Variants in STK32C observed in about 807,000 individuals in gnomAD.
STK32C encodes serine/threonine-protein kinase 32C.
A neutral mutation model predicts 56.5 loss-of-function variants in STK32C; 31 were observed. The observed-to-expected ratio is 0.55, with a 90% CI of 0.41 to 0.74. STK32C has a LOEUF of 0.74. STK32C is among the 30% of genes least tolerant of loss of function. The probability of loss-of-function intolerance (pLI) is 0.00; values close to 1 mark genes in which losing one functional copy is unlikely to be tolerated. For synonymous variants in STK32C, 309 were observed against 289.4 expected, an observed-to-expected ratio of 1.07 and a Z score of -0.69; for missense variants, 544 against 676.9, an observed-to-expected ratio of 0.80 and a Z score of 2.18.
intron 1 of STK32C, among the ~76,000 whole-genome samples, chr10:132,302,286 C>T (rs1373724537): frequency 1.3e-5 from 2 of 152,222 alleles, no homozygotes; most frequent in African/African-American, 2.4e-5. Flanking sequence ...AAAGAAAAGC[C>T]GGCTTATTTT....
intron 1 of STK32C, among the ~76,000 whole-genome samples, chr10:132,317,967 CAAAAAAA>C (rs1223040750): frequency 1.8e-5 from 1 of 55,574 alleles, no homozygotes; most frequent in African/African-American, 6.1e-5. Context: ...GACTCTGTCT[CAAAAAAA>C]AAAAAAAAAA....
chr10:132,270,215 G>A (rs1238152759), intron 1 of STK32C, among the ~76,000 whole-genome samples: 1 of 152,248 alleles, frequency 6.6e-6, no homozygotes, highest in Non-Finnish European at 1.5e-5. Flanking sequence ...CCGGACCTGT[G>A]ATTCACCTTA....
intron 8 of STK32C, among the ~76,000 whole-genome samples, chr10:132,224,099 T>C (rs2062785123): frequency 6.6e-6 from 1 of 150,776 alleles, no homozygotes; most frequent in South Asian, 2.1e-4. Flanking sequence ...AGGGCTCCTC[T>C]GTGGTGACCG....
At chr10:132,217,279 G>A (rs1483428413) in intron 10 of STK32C, among the ~76,000 whole-genome samples, 1 of 152,236 alleles carries the variant, frequency 6.6e-6, no homozygotes, top group African/African-American at 2.4e-5. Context: ...AGGCCTGCTG[G>A]ATTTCAGACT....
chr10:132,273,179 T>C (rs1486265434), intron 1 of STK32C, among the ~76,000 whole-genome samples: 1 of 152,206 alleles, frequency 6.6e-6, no homozygotes, highest in Non-Finnish European at 1.5e-5. Flanking sequence ...CCACTCAGCC[T>C]TTCCACTGCT....
chr10:132,325,867 G>A lies in STK32C; in HGVS notation c.302-1494C>T, dbSNP rs146445923. Among the ~76,000 whole-genome samples, 92 of 151,952 alleles carry A rather than the reference G, an allele frequency of 6.1e-4. No homozygotes were observed. The East Asian group carries it at 0.012, about 20-fold the overall frequency. ...CTCCAGAGTAGCTGGGACTATCGGAGTCTGCAACCACGCCCAGCTAATTTT... is the reference window on the plus strand; with the variant it reads ...CTCCAGAGTAGCTGGGACTATCGGAATCTGCAACCACGCCCAGCTAATTTT... On this transcript the variant is annotated intron_variant, in intron 1 of 1. Transcript: ENST00000368619.
intron 1 of STK32C, among the ~76,000 whole-genome samples, chr10:132,263,904 A>C (rs1047379072): frequency 3.3e-5 from 5 of 152,080 alleles, no homozygotes; most frequent in Admixed American, 6.6e-5. Flanking sequence ...ATAAAAAAAG[A>C]AAAAGCATGG....
intron 1 of STK32C, among the ~76,000 whole-genome samples, chr10:132,262,297 G>A (rs1335773189): frequency 2.6e-5 from 4 of 152,116 alleles, no homozygotes; most frequent in Non-Finnish European, 5.9e-5. Flanking sequence ...ATTAACTCAA[G>A]ACAAAGACTG....
At chr10:132,244,335 C>T (rs1044275006) in intron 2 of STK32C, among the ~76,000 whole-genome samples, 7 of 152,216 alleles carry the variant, frequency 4.6e-5, no homozygotes, top group Non-Finnish European at 1.0e-4. Flanking sequence ...CTGGCGTTTC[C>T]GAGCCTCTTA....
rs192162881 is a variant in STK32C, at chr10:132,216,119, A to G, written c.1251+6522T>C. On this transcript the variant is annotated intron_variant, in intron 10 of 11. Transcript: ENST00000298630. ...TGCTGTTAAAGGCATTCCATTTTAA[A>G]AAGGAAACAGCATAAAAGTTCAAAA... 4.6e-5 allele frequency among the ~76,000 whole-genome samples: 7 copies of G among 152,324 alleles called. No individual in the cohort carries two copies. The East Asian group carries it at 7.7e-4, about 17-fold the overall frequency.
intron 1 of STK32C, among the ~76,000 whole-genome samples, chr10:132,303,365 A>G (rs889084857): frequency 5.9e-5 from 9 of 152,374 alleles, no homozygotes; most frequent in African/African-American, 2.2e-4. Context: ...AATTATTATT[A>G]ACTGTGCTGG....
chr10:132,293,329 G>A (rs531636361), intron 1 of STK32C, among the ~76,000 whole-genome samples: 1 of 152,356 alleles, frequency 6.6e-6, no homozygotes, highest in South Asian at 2.1e-4. Flanking sequence ...CCAGCAAGCT[G>A]TGAGCCACTC....
At chr10:132,331,880 CACCACCCCCT>C, upstream of STK32C, 1 of 1,184,816 alleles carries the variant, frequency 8.4e-7, no homozygotes, top group South Asian at 1.5e-5. Context: ...TGCGCAGGCG[CACCACCCCCT>C]GCCACCCCCG....
chr10:132,272,621 C>A (rs1211643697), intron 1 of STK32C, among the ~76,000 whole-genome samples: 5 of 152,230 alleles, frequency 3.3e-5, no homozygotes, highest in African/African-American at 1.2e-4. Flanking sequence ...ACTCCGACCG[C>A]ATCTTGCCCC....
chr10:132,254,477 C>T (rs898739024), intron 1 of STK32C, among the ~76,000 whole-genome samples: 1 of 150,414 alleles, frequency 6.6e-6, no homozygotes, highest in South Asian at 2.1e-4. Flanking sequence ...ACAATGCGTG[C>T]ACCCTCCACG....
At chr10:132,264,025 C>T (rs2064405258) in intron 1 of STK32C, among the ~76,000 whole-genome samples, 1 of 152,172 alleles carries the variant, frequency 6.6e-6, no homozygotes. Flanking sequence ...CTGTGAAATA[C>T]CCAGTGCCAC....
intron 2 of STK32C, among the ~76,000 whole-genome samples, chr10:132,241,236 C>G (rs1001750302): frequency 2.0e-5 from 3 of 152,236 alleles, no homozygotes; most frequent in African/African-American, 7.2e-5. Context: ...GCCAGAAGCA[C>G]AGCCGTGGCT....
At chr10:132,298,507 A>C (rs1010414194) in intron 1 of STK32C, among the ~76,000 whole-genome samples, 3 of 151,994 alleles carry the variant, frequency 2.0e-5, no homozygotes, top group Non-Finnish European at 4.4e-5. Context: ...GATGAGCTGG[A>C]CTTGCTCACT....
intron 2 of STK32C, among the ~76,000 whole-genome samples, chr10:132,239,021 CCAAGCA>C (rs2063404356): frequency 6.6e-6 from 1 of 152,172 alleles, no homozygotes; most frequent in African/African-American, 2.4e-5. Flanking sequence ...ACATGCAGGG[CCAAGCA>C]CTCCCCATCA....
Sources: gnomAD v4.1 joint callset for allele counts (sites outside exome capture counted in the v4.1 genomes callset) on GRCh38, gnomAD v4.1.1 for gene constraint, MANE v1.5 for transcripts, NCBI Gene and HGNC (gene_info 2026-07-23, HGNC 2026-07-21) for gene names.